RBPMS: variants seen among roughly 807,000 people sequenced by gnomAD.
The protein encoded by RBPMS is RNA binding protein, mRNA processing factor, also known as RNA-binding protein with multiple splicing.
A neutral mutation model predicts 26.8 loss-of-function variants in RBPMS; 7 were observed. That is an observed-to-expected ratio of 0.26 (90% CI 0.15 to 0.49). RBPMS has a LOEUF of 0.49. Among genes scored for constraint, RBPMS ranks in the 20% least tolerant of loss-of-function variants. RBPMS has a pLI of 0.98. For missense variants in RBPMS, 186 were observed against 250.0 expected (o/e 0.74, Z 1.73); for synonymous variants, 96 against 93.3 (o/e 1.03, Z -0.17).
intron 4 of RBPMS, among the ~76,000 whole-genome samples, chr8:30,486,144 C>A (rs1490217830): frequency 2.0e-5 from 3 of 152,018 alleles, no homozygotes; most frequent in Non-Finnish European, 4.4e-5. Flanking sequence ...GTCAGGAGTT[C>A]AAGACCAGCC....
intron 6 of RBPMS, among the ~76,000 whole-genome samples, chr8:30,548,117 C>T (rs1642962127): frequency 6.6e-6 from 1 of 152,206 alleles, no homozygotes; most frequent in Admixed American, 6.5e-5. Context: ...AGATCATTAA[C>T]ATTTTTAAAA....
intron 1 of RBPMS, among the ~76,000 whole-genome samples, chr8:30,450,137 G>A (rs1814385647): frequency 6.6e-6 from 1 of 152,210 alleles, no homozygotes; most frequent in Non-Finnish European, 1.5e-5. Flanking sequence ...TAAAGTGAGG[G>A]TATGGGAGAA....
intron 1 of RBPMS, among the ~76,000 whole-genome samples, chr8:30,471,763 T>C (rs950061659): frequency 1.3e-5 from 2 of 152,194 alleles, no homozygotes; most frequent in African/African-American, 4.8e-5. Flanking sequence ...ACTGTTTGTA[T>C]CTTTGACACT....
At chr8:30,458,561 A>G (rs1036537397) in intron 1 of RBPMS, among the ~76,000 whole-genome samples, 5 of 152,094 alleles carry the variant, frequency 3.3e-5, no homozygotes, top group African/African-American at 1.2e-4. Flanking sequence ...TAATTCTTTC[A>G]CAAGAAAAAA....
At chr8:30,457,275 T>C (rs1407715035) in intron 1 of RBPMS, among the ~76,000 whole-genome samples, 5 of 152,222 alleles carry the variant, frequency 3.3e-5, no homozygotes, top group Non-Finnish European at 4.4e-5. Context: ...CTGTAAAATA[T>C]GCTATTTTAT....
intron 5 of RBPMS, among the ~76,000 whole-genome samples, chr8:30,511,527 TTCTGTG>T (rs200048028): frequency 0.086 from 953 of 11,028 alleles, 34 homozygotes; most frequent in Middle Eastern, 0.12. Context: ...ATATATATAT[TTCTGTG>T]TGTGTGTGTG....
At position 30,511,595 on chromosome 8, in the gene RBPMS, ATATT is replaced by A. The variant is rs200731449; in HGVS notation, c.397+7161_397+7164del. Among the ~76,000 whole-genome samples the A allele has an allele frequency of 1.0e-3, 154 of 148,728 alleles. 1 individual carries two copies. The East Asian group carries it at 0.019, about 19-fold the overall frequency. Reference sequence around the variant, plus strand: ...TGTGTATATATGTGTATAGATATATATATTTGTGTATATATATATTTGTATATAT... The same window carrying A: ...TGTGTATATATGTGTATAGATATATATGTGTATATATATATTTGTATATAT... On this transcript the variant is annotated intron_variant, in intron 5 of 8. Transcript: ENST00000397323.
At chr8:30,512,851 C>T (rs1281400814) in intron 5 of RBPMS, among the ~76,000 whole-genome samples, 3 of 152,218 alleles carry the variant, frequency 2.0e-5, no homozygotes, top group African/African-American at 7.2e-5. Flanking sequence ...AGCAGAACTC[C>T]ATATGATCTC....
At chr8:30,448,576 G>A (rs1814150137) in intron 1 of RBPMS, among the ~76,000 whole-genome samples, 1 of 152,176 alleles carries the variant, frequency 6.6e-6, no homozygotes, top group Admixed American at 6.5e-5. Flanking sequence ...AGAGAAAAAA[G>A]CCTGCAGAAA....
intron 6 of RBPMS, chr8:30,547,449 C>CT: frequency 6.3e-7 from 1 of 1,576,870 alleles, no homozygotes; most frequent in Non-Finnish European, 8.6e-7. Context: ...ATTTTCCCCC[C>CT]TTTCACAAAA....
At position 30,473,154 on chromosome 8, in the gene RBPMS, A is replaced by G. The variant is rs565024982; in HGVS notation, c.67-1625A>G. Among the ~76,000 whole-genome samples the G allele has an allele frequency of 4.6e-5, 7 of 152,156 alleles. No homozygotes were observed. The South Asian group carries it at 1.5e-3, about 32-fold the overall frequency. ...CAAATTCCTGAGCCAGTGGCTTTTG[A>G]TGTTTTGTGTGTTTGACCCTAAGCT... On this transcript the variant is annotated intron_variant, in intron 1 of 8. Transcript: ENST00000397323.
intron 5 of RBPMS, among the ~76,000 whole-genome samples, chr8:30,533,244 A>AG (rs2151017179): frequency 1.3e-5 from 2 of 152,290 alleles, no homozygotes; most frequent in East Asian, 3.9e-4. Context: ...TGGAGTATGC[A>AG]GGGGGATTAT....
intron 5 of RBPMS, among the ~76,000 whole-genome samples, chr8:30,524,700 T>C (rs1202466351): frequency 1.3e-5 from 2 of 152,188 alleles, no homozygotes; most frequent in Non-Finnish European, 2.9e-5. Context: ...TGCACTTTCT[T>C]CTCTCATACT....
At chr8:30,426,528 G>A (rs75125288) in intron 1 of RBPMS, among the ~76,000 whole-genome samples, 6 of 152,274 alleles carry the variant, frequency 3.9e-5, no homozygotes, top group South Asian at 2.1e-4. Context: ...GCAGGCTTGC[G>A]TAATAGGACC....
At chr8:30,442,527 T>C (rs992084513) in intron 1 of RBPMS, 4 of 152,204 alleles carry the variant, frequency 2.6e-5, no homozygotes, top group African/African-American at 9.7e-5. Context: ...TTTTCCATTT[T>C]AATTGCATTC....
chr8:30,460,794 C>T (rs945376975), intron 1 of RBPMS, among the ~76,000 whole-genome samples: 5 of 152,084 alleles, frequency 3.3e-5, no homozygotes, highest in Non-Finnish European at 7.4e-5. Context: ...TGGTGGCTCA[C>T]GCCTGTAATC....
chr8:30,410,187 C>T (rs1809177348), intron 1 of RBPMS, among the ~76,000 whole-genome samples: 1 of 146,428 alleles, frequency 6.8e-6, no homozygotes, highest in Non-Finnish European at 1.5e-5. Flanking sequence ...CACACACACA[C>T]ACACTTAACT....
At chr8:30,489,449 C>A (rs927080814) in intron 4 of RBPMS, among the ~76,000 whole-genome samples, 1 of 151,632 alleles carries the variant, frequency 6.6e-6, no homozygotes, top group African/African-American at 2.4e-5. Flanking sequence ...TTCCTAAAGT[C>A]TCTTTTTCTT....
At chr8:30,407,864 A>G (rs1481182420) in intron 1 of RBPMS, among the ~76,000 whole-genome samples, 3 of 130,888 alleles carry the variant, frequency 2.3e-5, no homozygotes, top group Non-Finnish European at 3.2e-5. Flanking sequence ...TTCAAAATCC[A>G]TCATCTTTCA....
Sources: gnomAD v4.1 joint callset for allele counts (sites outside exome capture counted in the v4.1 genomes callset) on GRCh38, gnomAD v4.1.1 for gene constraint, MANE v1.5 for transcripts, NCBI Gene and HGNC (gene_info 2026-07-23, HGNC 2026-07-21) for gene names.